Variants in FAM184B observed in about 807,000 individuals in gnomAD.
FAM184B encodes the protein family with sequence similarity 184 member B, also known as protein FAM184B.
A neutral mutation model predicts 135.9 loss-of-function variants in FAM184B; 111 were observed. The ratio of observed to expected loss-of-function variants is 0.82; its 90% CI spans 0.70 to 0.96. The LOEUF (loss-of-function observed/expected upper bound fraction) is 0.96, where lower values mean the gene tolerates loss of function less well. FAM184B is among the 40% of genes least tolerant of loss of function. The pLI, the probability that FAM184B is intolerant of heterozygous loss-of-function variation, is 0.00. For synonymous variants in FAM184B, 552 were observed against 524.8 expected (o/e 1.05, Z -0.71); for missense variants, 1,375 against 1,323.9 (o/e 1.04, Z -0.60).
At chr4:17,649,417 T>C (rs533406066) in intron 11 of FAM184B, among the ~76,000 whole-genome samples, 1 of 152,086 alleles carries the variant, frequency 6.6e-6, no homozygotes, top group East Asian at 1.9e-4. Flanking sequence ...ACCCCGTCTC[T>C]ACTAAAAATA....
At chr4:17,652,013 A>C (rs1470612360) in intron 11 of FAM184B, among the ~76,000 whole-genome samples, 1 of 151,954 alleles carries the variant, frequency 6.6e-6, no homozygotes, top group Non-Finnish European at 1.5e-5. Context: ...ATGCCATGAA[A>C]CTCATATGAA....
chr4:17,695,155 C>CTGGGGGTTTTT lies in FAM184B; in HGVS notation c.1378-1744_1378-1743insAAAAACCCCCA, dbSNP rs141899736. Among the ~76,000 whole-genome samples the CTGGGGGTTTTT allele has an allele frequency of 5.9e-5, 8 of 135,182 alleles. No homozygotes were observed. In the East Asian group the frequency reaches 1.4e-3, roughly 23 times the overall value. 88.7% of individuals were successfully genotyped at this position (135,182 alleles called of 152,430 possible). A position where few individuals can be genotyped will look rare whatever the true frequency, so the allele number is the denominator to read the frequency against. ...TTTGGATAAGCTGGCTACTGTTTTT[C>CTGGGGGTTTTT]TTTGTTGTTTTTTTTTTTTCTGAGA... is the stretch of plus-strand genomic sequence containing the variant. On this transcript the variant is annotated intron_variant, in intron 5 of 17. Coordinates refer to ENST00000265018, the MANE Select transcript of FAM184B (RefSeq NM_015688.2).
At chr4:17,689,259 T>G (rs1319427086) in intron 6 of FAM184B, among the ~76,000 whole-genome samples, 1 of 152,136 alleles carries the variant, frequency 6.6e-6, no homozygotes. Context: ...GCTCTAAAAG[T>G]GTAAGGCCTT....
rs1360846065 is a variant in FAM184B, at chr4:17,705,070, A to T, written c.1307T>A (p.Val436Glu). 6.4e-7 allele frequency: 1 copy of T among 1,551,748 alleles called. No individual in the cohort carries two copies. Among genetic ancestry groups the T allele is most frequent in the Admixed American group, 2.0e-5 (1 of 51,010 alleles). ...DQLVKRLEDLVKKHTVEIKSV... is the reference protein window; with the variant it reads ...DQLVKRLEDLEKKHTVEIKSV... Reference sequence around the variant, plus strand: ...TTTGATTTCCACGGTGTGCTTCTTTACCAAGTCTTCTAGTCGCTTCACTAG... The same window carrying T: ...TTTGATTTCCACGGTGTGCTTCTTTTCCAAGTCTTCTAGTCGCTTCACTAG... The change falls in exon 5 of 18, where the codon GTA (valine) becomes GAA (glutamate). Residue 436 changes from valine to glutamate, a missense_variant. Transcript: ENST00000265018.
intron 1 of FAM184B, among the ~76,000 whole-genome samples, chr4:17,719,873 A>G (rs1339817713): frequency 6.6e-6 from 1 of 152,216 alleles, no homozygotes; most frequent in East Asian, 1.9e-4. Context: ...CTAAAACAAT[A>G]CCCAGTTCTC....
intron 1 of FAM184B, among the ~76,000 whole-genome samples, chr4:17,738,893 CCT>C (rs1560189891): frequency 6.6e-6 from 1 of 152,172 alleles, no homozygotes; most frequent in African/African-American, 2.4e-5. Flanking sequence ...TCACTCGTTT[CCT>C]CTCTCGCCAT....
intron 1 of FAM184B, among the ~76,000 whole-genome samples, chr4:17,735,594 T>C (rs1469585072): frequency 1.3e-5 from 2 of 151,850 alleles, no homozygotes; most frequent in African/African-American, 2.4e-5. Flanking sequence ...ACCCCTGTCA[T>C]TGGCATTTTT....
At chr4:17,646,049 G>C (rs536695918) in intron 12 of FAM184B, among the ~76,000 whole-genome samples, 2,286 of 152,136 alleles carry the variant, frequency 0.015, 22 homozygotes, top group African/African-American at 0.022. Context: ...ACACCAGTTA[G>C]AATGGTGATC....
At chr4:17,748,893 A>G (rs1718235638) in intron 1 of FAM184B, among the ~76,000 whole-genome samples, 1 of 151,712 alleles carries the variant, frequency 6.6e-6, no homozygotes, top group South Asian at 2.1e-4. Context: ...ATTGGGTGCA[A>G]TCATAGCTCA....
At chr4:17,714,267 T>C (rs1189977030) in intron 1 of FAM184B, among the ~76,000 whole-genome samples, 1 of 152,126 alleles carries the variant, frequency 6.6e-6, no homozygotes, top group African/African-American at 2.4e-5. Context: ...TTAGGTGAGG[T>C]CCTATGACTG....
At chr4:17,718,973 G>A (rs569898778) in intron 1 of FAM184B, among the ~76,000 whole-genome samples, 4 of 152,334 alleles carry the variant, frequency 2.6e-5, no homozygotes, top group African/African-American at 9.6e-5. Flanking sequence ...TCCCTTATCT[G>A]AGGGGGATAC....
chr4:17,780,792 T>C (rs965693920), intron 1 of FAM184B, among the ~76,000 whole-genome samples: 2 of 152,136 alleles, frequency 1.3e-5, no homozygotes, highest in African/African-American at 4.8e-5. Flanking sequence ...AGAGCCCACA[T>C]GACCTCCCCA....
At chr4:17,687,933 C>A (rs77411492) in intron 7 of FAM184B, among the ~76,000 whole-genome samples, 1 of 152,270 alleles carries the variant, frequency 6.6e-6, no homozygotes, top group African/African-American at 2.4e-5. Flanking sequence ...ACAATCCAAC[C>A]CACCGTGAGC....
intron 1 of FAM184B, among the ~76,000 whole-genome samples, chr4:17,716,100 T>A (rs961476573): frequency 6.6e-6 from 1 of 152,130 alleles, no homozygotes. Flanking sequence ...ATACCTGCCA[T>A]CTTGTGTCAT....
rs1033460337 is a variant in FAM184B, at chr4:17,705,755, C to T, written c.1167G>A (p.Met389Ile). The T allele has an allele frequency of 1.0e-5, 16 of 1,551,650 alleles. No homozygotes were observed. The highest frequency in any genetic ancestry group is 1.4e-5 in the African/African-American group (1 of 73,064). ...ECPCMKGGTD[M>I]QTKKEASAET... ...CCAGGGCTGGGTCAGACACTACCTG[C>T]ATATCTGTGCCTCCTTTCATGCAAG... Residue 389 changes from methionine to isoleucine, a missense_variant, in exon 4 of 18, where the codon ATG becomes ATA. Coordinates refer to ENST00000265018, the MANE Select transcript of FAM184B (RefSeq NM_015688.2).
chr4:17,651,935 C>T (rs1715629036), intron 11 of FAM184B, among the ~76,000 whole-genome samples: 1 of 152,094 alleles, frequency 6.6e-6, no homozygotes, highest in Admixed American at 6.6e-5. Context: ...GCAGAGGAAG[C>T]AGAGCCTGGA....
At chr4:17,643,414 A>G (rs566236546) in intron 12 of FAM184B, among the ~76,000 whole-genome samples, 1 of 151,956 alleles carries the variant, frequency 6.6e-6, no homozygotes, top group East Asian at 1.9e-4. Context: ...CTTCCCTCCT[A>G]TGGGGCAAAG....
intron 8 of FAM184B, among the ~76,000 whole-genome samples, chr4:17,662,000 A>C (rs536283542): frequency 9.2e-5 from 14 of 152,358 alleles, no homozygotes; most frequent in African/African-American, 3.4e-4. Flanking sequence ...GAACATTTTC[A>C]TTACCCAAAA....
At chr4:17,773,491 G>T (rs1484315111) in intron 1 of FAM184B, among the ~76,000 whole-genome samples, 2 of 152,198 alleles carry the variant, frequency 1.3e-5, no homozygotes, top group African/African-American at 4.8e-5. Context: ...TCCTCTAGTT[G>T]GTCCAGATGA....
Sources: gnomAD v4.1 joint callset for allele counts (sites outside exome capture counted in the v4.1 genomes callset) on GRCh38, gnomAD v4.1.1 for gene constraint, MANE v1.5 for transcripts, NCBI Gene and HGNC (gene_info 2026-07-23, HGNC 2026-07-21) for gene names.